CNBD1: variants seen among roughly 807,000 people sequenced by gnomAD.
The protein encoded by CNBD1 is cyclic nucleotide-binding domain-containing protein 1.
Under a neutral mutation model 54.4 loss-of-function variants are expected in CNBD1, and 71 were observed. The ratio of observed to expected loss-of-function variants is 1.30; its 90% confidence interval spans 1.08 to 1.59. The LOEUF (loss-of-function observed/expected upper bound fraction) is 1.59, where lower values mean the gene tolerates loss of function less well. Ranked by LOEUF, CNBD1 falls within the 40% of genes most tolerant of loss-of-function variation. The pLI, the probability that CNBD1 is intolerant of heterozygous loss-of-function variation, is 0.00. For synonymous variants in CNBD1, 182 were observed against 170.7 expected, an observed-to-expected ratio of 1.07 and a Z score of -0.51; for missense variants, 659 against 518.0, an observed-to-expected ratio of 1.27 and a Z score of -2.64.
At chr8:87,102,178 C>A (rs1036386466) in intron 4 of CNBD1, among the ~76,000 whole-genome samples, 1 of 152,072 alleles carries the variant, frequency 6.6e-6, no homozygotes, top group Non-Finnish European at 1.5e-5. Context: ...TGAACCACTT[C>A]GTCCGGCCCA....
intron 6 of CNBD1, among the ~76,000 whole-genome samples, chr8:87,254,611 A>G (rs1807975489): frequency 6.6e-6 from 1 of 152,300 alleles, no homozygotes; most frequent in East Asian, 1.9e-4. Context: ...ACTTCACTGT[A>G]ACAAAGATAT....
chr8:87,335,924 T>C (rs113617072), intron 8 of CNBD1, among the ~76,000 whole-genome samples: 8,365 of 152,278 alleles, frequency 0.055, 268 homozygotes, highest in African/African-American at 0.063. Context: ...CCTCAGCATT[T>C]GCTTGTCTGA....
chr8:87,152,373 A>G lies in CNBD1; in HGVS notation c.432-53620A>G, dbSNP rs189879612. ...TCCAATCTTTTGGCTTTTATGGGCC[A>G]CATTGGAAGAAGAATTGTCTTTGGC... is the stretch of plus-strand genomic sequence containing the variant. On this transcript the variant is annotated intron_variant, in intron 4 of 10. Transcript: ENST00000518476. Among the ~76,000 whole-genome samples, 12 of 152,082 alleles carry G rather than the reference A, an allele frequency of 7.9e-5. No homozygotes were observed. The East Asian group carries it at 2.1e-3, about 27-fold the overall frequency.
intron 2 of CNBD1, among the ~76,000 whole-genome samples, chr8:87,402,403 A>T (rs1444272133): frequency 6.6e-6 from 1 of 152,016 alleles, no homozygotes; most frequent in Non-Finnish European, 1.5e-5. Context: ...AACTTAAGAA[A>T]CTGCCCTGCC....
intron 2 of CNBD1, among the ~76,000 whole-genome samples, chr8:86,896,667 A>T (rs1229653154): frequency 6.6e-6 from 1 of 152,130 alleles, no homozygotes; most frequent in Non-Finnish European, 1.5e-5. Flanking sequence ...AATTTACTGA[A>T]TTCCTTCATT....
Position 87,282,847 on chromosome 8 carries a change from G to A in CNBD1, c.772-1831G>A, listed in dbSNP as rs144290982. Among the ~76,000 whole-genome samples the A allele has an allele frequency of 3.1e-3, 474 of 151,950 alleles. 2 individuals are homozygous for A. The highest frequency in any genetic ancestry group is 0.011 in the African/African-American group (440 of 41,476). On this transcript the variant is annotated intron_variant, in intron 6 of 10. Transcript: ENST00000518476. ...GAAATTATTGCTAGCTAATGAGATCGTAAATAGGAGATCTAGCAGAGGAGA... is the reference window on the plus strand; with the variant it reads ...GAAATTATTGCTAGCTAATGAGATCATAAATAGGAGATCTAGCAGAGGAGA...
intron 10 of CNBD1, among the ~76,000 whole-genome samples, chr8:87,357,941 T>C (rs933872987): frequency 3.3e-5 from 5 of 152,074 alleles, no homozygotes; most frequent in Admixed American, 6.6e-5. Context: ...AATGAGTGAG[T>C]TGTTTCTCTG....
chr8:87,153,518 T>C (rs1444805359), intron 4 of CNBD1, among the ~76,000 whole-genome samples: 2 of 151,990 alleles, frequency 1.3e-5, no homozygotes, highest in Non-Finnish European at 2.9e-5. Context: ...GCAATGCAGA[T>C]CAGAAAAGAA....
At position 86,912,188 on chromosome 8, in the gene CNBD1, C is replaced by CA. The variant is rs1188195733; in HGVS notation, c.272+7001dup. On this transcript the variant is annotated intron_variant, in intron 3 of 10. Transcript: ENST00000518476. ...AAGGGGTTAGTCAGCATTAAAATAT[C>CA]AAAAAAATTTTAAAAAATTCAGATT... Among the ~76,000 whole-genome samples the CA allele has an allele frequency of 7.2e-5, 11 of 151,962 alleles. No individual in the cohort carries two copies. In the South Asian group the frequency reaches 2.3e-3, roughly 32 times the overall value.
intron 4 of CNBD1, among the ~76,000 whole-genome samples, chr8:86,993,763 A>G (rs1313224366): frequency 1.3e-5 from 2 of 152,198 alleles, no homozygotes; most frequent in Non-Finnish European, 2.9e-5. Context: ...GATCCAGTAG[A>G]TGCTGTTTTA....
Position 86,951,581 on chromosome 8 carries a change from C to CAAAAAAAAAAAAAAAAAAAAAAAAA in CNBD1, c.431+11841_431+11865dup, listed in dbSNP as rs71275901. On this transcript the variant is annotated intron_variant, in intron 4 of 10. Coordinates refer to ENST00000518476, the MANE Select transcript of CNBD1 (RefSeq NM_173538.3). Reference sequence around the variant, plus strand: ...GGTGACAGAGCGAGGCTCCGTCTCACAAAAAAAAAAAAAAAAAAAAAAAAA... The same window carrying CAAAAAAAAAAAAAAAAAAAAAAAAA: ...GGTGACAGAGCGAGGCTCCGTCTCACAAAAAAAAAAAAAAAAAAAAAAAAAAAAAAAAAAAAAAAAAAAAAAAAAA... Among the ~76,000 whole-genome samples, 7 of 37,360 alleles carry CAAAAAAAAAAAAAAAAAAAAAAAAA rather than the reference C, an allele frequency of 1.9e-4. 2 individuals are homozygous for CAAAAAAAAAAAAAAAAAAAAAAAAA. Among genetic ancestry groups the CAAAAAAAAAAAAAAAAAAAAAAAAA allele is most frequent in the East Asian group, 1.8e-3 (2 of 1,122 alleles). 24.5% of individuals were successfully genotyped at this position (37,360 alleles called of 152,430 possible).
rs1388172637 is a variant in CNBD1, at chr8:87,277,795, C to A, written c.772-6883C>A. Among the ~76,000 whole-genome samples, 6 of 151,586 alleles carry A rather than the reference C, an allele frequency of 4.0e-5. No homozygotes were observed. The East Asian group carries it at 1.2e-3, about 29-fold the overall frequency. On this transcript the variant is annotated intron_variant, in intron 6 of 10. Transcript: ENST00000518476. ...AGAAAGATGACATAGCTAGAACAATCAATGGTTTTCATACACAACATCCAG... is the reference window on the plus strand; with the variant it reads ...AGAAAGATGACATAGCTAGAACAATAAATGGTTTTCATACACAACATCCAG...
chr8:87,032,236 T>C (rs909727377), intron 4 of CNBD1, among the ~76,000 whole-genome samples: 16 of 152,006 alleles, frequency 1.1e-4, no homozygotes, highest in Admixed American at 8.5e-4. Context: ...ATGTGGGGGG[T>C]AGGGGCGTTG....
intron 5 of CNBD1, among the ~76,000 whole-genome samples, chr8:87,219,286 T>A (rs1206627585): frequency 6.6e-6 from 1 of 151,964 alleles, no homozygotes; most frequent in African/African-American, 2.4e-5. Flanking sequence ...ATAAGTATTA[T>A]AAAAGGTAAG....
chr8:87,126,773 C>T (rs1811998505), intron 4 of CNBD1, among the ~76,000 whole-genome samples: 1 of 151,910 alleles, frequency 6.6e-6, no homozygotes, highest in African/African-American at 2.4e-5. Flanking sequence ...TAGTTTTAGG[C>T]ATTCCAGTTA....
At chr8:87,006,671 G>A (rs541327190) in intron 4 of CNBD1, among the ~76,000 whole-genome samples, 1 of 152,198 alleles carries the variant, frequency 6.6e-6, no homozygotes, top group South Asian at 2.1e-4. Flanking sequence ...TCATGAAGCA[G>A]CACCATACCA....
At chr8:87,422,098 C>T (rs1452059374) in intron 2 of CNBD1, among the ~76,000 whole-genome samples, 4 of 146,336 alleles carry the variant, frequency 2.7e-5, no homozygotes, top group African/African-American at 1.1e-4. Context: ...TGTTCATATC[C>T]TTCACCCACT....
chr8:86,977,067 GA>G (rs1586175413), intron 4 of CNBD1, among the ~76,000 whole-genome samples: 1 of 152,008 alleles, frequency 6.6e-6, no homozygotes, highest in Non-Finnish European at 1.5e-5. Context: ...ATGCTGAACA[GA>G]AGTGGTGAGA....
intron 3 of CNBD1, among the ~76,000 whole-genome samples, chr8:86,908,619 G>T (rs1242478568): frequency 3.3e-5 from 5 of 151,976 alleles, no homozygotes; most frequent in African/African-American, 4.8e-5. Context: ...CATCTGTCAA[G>T]AAATTGACCT....
Sources: allele counts gnomAD v4.1 joint callset (sites outside exome capture counted in the v4.1 genomes callset), GRCh38; gene constraint gnomAD v4.1.1; transcripts MANE v1.5; gene names NCBI Gene and HGNC (gene_info 2026-07-23, HGNC 2026-07-21).